FRY: variants seen among roughly 807,000 people sequenced by gnomAD.
The protein encoded by FRY is protein furry homolog.
FRY carries 128 observed loss-of-function variants against 348.4 expected under a neutral mutation model. That is an observed-to-expected ratio of 0.37 (90% CI 0.32 to 0.43). The LOEUF (loss-of-function observed/expected upper bound fraction) is 0.43. Among genes scored for constraint, FRY ranks in the 20% least tolerant of loss-of-function variants. FRY has a pLI of 1.00. For synonymous variants in FRY, 1,370 were observed against 1,374.7 expected, an observed-to-expected ratio of 1.00 and a Z score of 0.08; for missense variants, 2,736 against 3,695.2, an observed-to-expected ratio of 0.74 and a Z score of 6.73.
Position 32,212,471 on chromosome 13 carries a change from A to C in FRY, c.4682+89A>C. 4 of 827,580 alleles carry C rather than the reference A, an allele frequency of 4.8e-6. No homozygotes were observed. In the South Asian group the frequency reaches 6.0e-5, roughly 12 times the overall value. The allele number at this position is 827,580 out of a possible 1,614,324, so 51.3% of individuals were successfully genotyped here. On this transcript the variant is annotated intron_variant, in intron 35 of 60. Coordinates refer to ENST00000542859, the MANE Select transcript of FRY (RefSeq NM_023037.3). ...CAATACAGGTTTGTGGAGTTTCATAAATTTTACACGTACATAAAAATCCTT... is the reference window on the plus strand; with the variant it reads ...CAATACAGGTTTGTGGAGTTTCATACATTTTACACGTACATAAAAATCCTT...
Position 32,161,173 on chromosome 13 carries a change from T to A in FRY, c.1814T>A (p.Phe605Tyr). The change falls in exon 17 of 61, where the codon TTC (phenylalanine) becomes TAC (tyrosine). Residue 605 changes from phenylalanine (F) to tyrosine (Y), a missense_variant. Physicochemically the swap from Phe to Tyr is conservative, Grantham distance 22. Coordinates refer to ENST00000542859, the MANE Select transcript of FRY (RefSeq NM_023037.3). Reference protein sequence around the residue: ...TGERKPKIDLFRTCVAAIPRL... With the variant: ...TGERKPKIDLYRTCVAAIPRL... ...GAGAGAAAGCCAAAAATAGATCTTT[T>A]CAGGACCTGTGTTGCTGCTATTCCT... is the stretch of plus-strand genomic sequence containing the variant. 1 of 1,613,306 alleles carries A rather than the reference T, an allele frequency of 6.2e-7. No individual in the cohort carries two copies. Among genetic ancestry groups the A allele is most frequent in the Non-Finnish European group, 8.5e-7 (1 of 1,179,270 alleles).
intron 11 of FRY, among the ~76,000 whole-genome samples, chr13:32,143,342 A>T (rs1880202319): frequency 6.6e-6 from 1 of 152,248 alleles, no homozygotes; most frequent in South Asian, 2.1e-4. Context: ...ACCAATTAAC[A>T]GTACATAATC....
At chr13:32,156,400 G>A (rs1292795398) in intron 15 of FRY, among the ~76,000 whole-genome samples, 2 of 152,080 alleles carry the variant, frequency 1.3e-5, no homozygotes, top group Admixed American at 1.3e-4. Context: ...TTGGGAGTTC[G>A]AGACCAACCT....
Position 32,178,368 on chromosome 13 carries a change from A to G in FRY, c.2613A>G (p.Thr871=). ...RQENLPKHCP[T]ALSYAWPYAF... is the part of the protein sequence containing the mutation. ...AGAACTTACCCAAGCACTGCCCCAC[A>G]GCCCTCAGCTATGCCTGGCCTTATG... Residue 871 remains threonine (T), a synonymous_variant, in exon 21 of 61, where the codon ACA becomes ACG. Transcript: ENST00000542859. 1 of 1,614,188 alleles carries G rather than the reference A, an allele frequency of 6.2e-7. No individual in the cohort carries two copies.
At chr13:32,032,308 C>G (rs909620664) in intron 1 of FRY, among the ~76,000 whole-genome samples, 2 of 152,014 alleles carry the variant, frequency 1.3e-5, no homozygotes, top group Non-Finnish European at 2.9e-5. Context: ...TTTCAGAGTA[C>G]TTTGTAATTG....
intron 11 of FRY, among the ~76,000 whole-genome samples, chr13:32,144,694 C>A (rs749586452): frequency 2.0e-5 from 3 of 152,044 alleles, no homozygotes; most frequent in Non-Finnish European, 4.4e-5. Flanking sequence ...AGGCAAAAGA[C>A]CTATCAGAAA....
intron 1 of FRY, among the ~76,000 whole-genome samples, chr13:32,063,688 A>G (rs120650): frequency 0.61 from 92,506 of 152,028 alleles, 28,331 homozygotes; most frequent in Admixed American, 0.63. Context: ...ACGGGCCAGA[A>G]TCTGCACTTT....
At chr13:32,198,162 C>A (rs192742508) in intron 29 of FRY, among the ~76,000 whole-genome samples, 5 of 152,272 alleles carry the variant, frequency 3.3e-5, no homozygotes, top group Admixed American at 3.3e-4. Context: ...CATTCTTCAA[C>A]AACAAAATAA....
intron 3 of FRY, among the ~76,000 whole-genome samples, chr13:32,110,760 G>T (rs1593624301): frequency 6.6e-6 from 1 of 152,070 alleles, no homozygotes; most frequent in Non-Finnish European, 1.5e-5. Context: ...ACCAAAAATT[G>T]TATGCTGTAC....
chr13:32,294,150 A>G (rs1889513162), intron 59 of FRY, among the ~76,000 whole-genome samples: 2 of 152,176 alleles, frequency 1.3e-5, no homozygotes, highest in South Asian at 2.1e-4. Flanking sequence ...AACCTTTTCT[A>G]TAAGGAGAGC....
chr13:32,273,185 A>C (rs1320762760), intron 55 of FRY, among the ~76,000 whole-genome samples: 2 of 149,696 alleles, frequency 1.3e-5, no homozygotes, highest in Non-Finnish European at 3.0e-5. Flanking sequence ...TCATTCACTT[A>C]CTAGTTGCAT....
chr13:32,292,605 A>G (rs1027839199), intron 59 of FRY, among the ~76,000 whole-genome samples: 3 of 151,810 alleles, frequency 2.0e-5, no homozygotes, highest in African/African-American at 7.3e-5. Flanking sequence ...CATCTTGGCC[A>G]ACATGGTGAA....
intron 40 of FRY, among the ~76,000 whole-genome samples, chr13:32,228,988 C>T (rs964332383): frequency 1.3e-5 from 2 of 152,120 alleles, no homozygotes; most frequent in African/African-American, 4.8e-5. Context: ...ATCAGAGCTG[C>T]CAGGGGTTAG....
rs2072051039 is a variant in FRY at position 32,295,743 on chromosome 13, C to T, written c.*283C>T. ...ATGCAACTCGCTACTGAAGAAGTGACTTCCGTTGCATACCAAAGCCGACTA... is the reference window on the plus strand; with the variant it reads ...ATGCAACTCGCTACTGAAGAAGTGATTTCCGTTGCATACCAAAGCCGACTA... On this transcript the variant is annotated 3_prime_UTR_variant, in exon 61 of 61. Coordinates refer to ENST00000542859, the MANE Select transcript of FRY (RefSeq NM_023037.3). 1 of 522,762 alleles carries T rather than the reference C, an allele frequency of 1.9e-6. No individual in the cohort carries two copies. Among genetic ancestry groups the T allele is most frequent in the Non-Finnish European group, 3.5e-6 (1 of 289,464 alleles). The allele number at this position is 522,762 out of a possible 1,614,324, so 32.4% of individuals were successfully genotyped here.
intron 1 of FRY, among the ~76,000 whole-genome samples, chr13:32,061,365 G>A (rs1873935196): frequency 6.6e-6 from 1 of 152,134 alleles, no homozygotes. Flanking sequence ...ATATTTTGGA[G>A]GCAAGATGTC....
In FRY at chr13:32,293,409, T is replaced by C. The variant is rs145664161; in HGVS notation, c.8581-959T>C. On this transcript the variant is annotated intron_variant, in intron 59 of 60. Transcript: ENST00000542859. ...AACAGGCATGTGTGCCAAGAAAAAA[T>C]AATCCTTCAAGGCTTCAGTTTTTTA... 6.5e-3 allele frequency among the ~76,000 whole-genome samples: 994 copies of C among 152,208 alleles called. 6 individuals are homozygous for C. The highest frequency in any genetic ancestry group is 0.023 in the African/African-American group (953 of 41,548).
intron 2 of FRY, among the ~76,000 whole-genome samples, chr13:32,081,479 C>G (rs1413464848): frequency 6.6e-6 from 1 of 152,106 alleles, no homozygotes; most frequent in Non-Finnish European, 1.5e-5. Flanking sequence ...CGTGCACCAC[C>G]ACACCCAGCT....
intron 33 of FRY, 66 bp from the exon 34 acceptor site, chr13:32,210,800 A>C: frequency 7.7e-7 from 1 of 1,296,070 alleles, no homozygotes; most frequent in Middle Eastern, 1.8e-4. Flanking sequence ...TGAGAGGTTT[A>C]CTGGCCTAGT....
chr13:32,092,968 C>T (rs1876428149), intron 2 of FRY, among the ~76,000 whole-genome samples: 1 of 152,194 alleles, frequency 6.6e-6, no homozygotes, highest in South Asian at 2.1e-4. Flanking sequence ...TCACGACCTC[C>T]TGTTTTTAGT....
Sources: gnomAD v4.1 joint callset for allele counts (sites outside exome capture counted in the v4.1 genomes callset) on GRCh38, gnomAD v4.1.1 for gene constraint, MANE v1.5 for transcripts, NCBI Gene and HGNC (gene_info 2026-07-23, HGNC 2026-07-21) for gene names.